The following PABPC1L variants were observed in gnomAD, a reference collection of about 807,000 sequenced individuals.
PABPC1L encodes polyadenylate-binding protein 1-like.
A neutral mutation model predicts 66.6 loss-of-function variants in PABPC1L; 31 were observed. The observed-to-expected ratio is 0.47, with a 90% CI of 0.35 to 0.63. PABPC1L has a LOEUF of 0.63. Among genes scored for constraint, PABPC1L ranks in the 20% least tolerant of loss-of-function variants. The pLI is 0.00. For missense variants in PABPC1L, 722 were observed against 848.8 expected (o/e 0.85, Z 1.86); for synonymous variants, 348 against 335.1 (o/e 1.04, Z -0.42).
intron 7 of PABPC1L, among the ~76,000 whole-genome samples, chr20:44,928,904 AAAG>A (rs1318794739): frequency 6.6e-6 from 1 of 151,064 alleles, no homozygotes; most frequent in African/African-American, 2.4e-5. Flanking sequence ...AAAAGGAAAA[AAAG>A]AAGATTTTAA....
Position 44,912,996 on chromosome 20 carries a change from C to T in PABPC1L, c.387+143C>T, listed in dbSNP as rs375106892. ...GTACAGCAAGCACCTGAATGACAGCCGTTCTTTCAGTTTCATCTTCCGTGA... is the reference window on the plus strand; with the variant it reads ...GTACAGCAAGCACCTGAATGACAGCTGTTCTTTCAGTTTCATCTTCCGTGA... On this transcript the variant is annotated intron_variant, in intron 2 of 14. Coordinates refer to ENST00000217073, the MANE Select transcript of PABPC1L (RefSeq NM_001372179.1). 8.1e-5 allele frequency: 56 copies of T among 695,066 alleles called. No individual in the cohort carries two copies. In the African/African-American group the frequency reaches 9.4e-4, roughly 12 times the overall value. 43.1% of individuals were successfully genotyped at this position (695,066 alleles called of 1,614,324 possible).
At chr20:44,916,516 T>C (rs1260848705) in intron 2 of PABPC1L, among the ~76,000 whole-genome samples, 2 of 152,126 alleles carry the variant, frequency 1.3e-5, no homozygotes. Flanking sequence ...TCAAGTGATA[T>C]GCCCACCTCG....
chr20:44,916,232 C>A (rs1027741002), intron 2 of PABPC1L, among the ~76,000 whole-genome samples: 1 of 152,130 alleles, frequency 6.6e-6, no homozygotes, highest in Non-Finnish European at 1.5e-5. Flanking sequence ...TAGATGAAAC[C>A]TGTGTTCATT....
intron 10 of PABPC1L, 124 bp downstream of exon 10, chr20:44,933,309 T>A: frequency 1.3e-6 from 1 of 770,772 alleles, no homozygotes. Flanking sequence ...TTGGAGACTG[T>A]AGCGTGGTAG....
At chr20:44,914,020 T>G (rs1390430273) in intron 2 of PABPC1L, among the ~76,000 whole-genome samples, 1 of 152,112 alleles carries the variant, frequency 6.6e-6, no homozygotes, top group Non-Finnish European at 1.5e-5. Flanking sequence ...TCTCTGACTT[T>G]TTATATGAGG....
intron 5 of PABPC1L, among the ~76,000 whole-genome samples, chr20:44,919,608 G>A (rs1460981815): frequency 2.6e-5 from 4 of 152,172 alleles, no homozygotes; most frequent in African/African-American, 7.2e-5. Flanking sequence ...CTCAGCCTAC[G>A]TGATAGGCTG....
At chr20:44,922,230 C>T (rs906045351) in intron 6 of PABPC1L, among the ~76,000 whole-genome samples, 1 of 152,026 alleles carries the variant, frequency 6.6e-6, no homozygotes, top group Non-Finnish European at 1.5e-5. Context: ...GAAGTGAACC[C>T]CTCTAAGATT....
At chr20:44,918,416 G>A (rs552492414) in intron 3 of PABPC1L, among the ~76,000 whole-genome samples, 35 of 152,278 alleles carry the variant, frequency 2.3e-4, no homozygotes, top group Non-Finnish European at 4.3e-4. Flanking sequence ...CATTGACTGC[G>A]TCTAATTCAC....
Position 44,938,155 on chromosome 20 carries a change from G to A in PABPC1L, c.1755G>A (p.Leu585=). ...TGGAGATTGACAACTCAGAGCTGTT[G>A]CTCATGCTGGAGTCTCCAGAATCCC... ...MLLEIDNSEL[L]LMLESPESLH... is the part of the protein sequence containing the mutation. Residue 585 remains leucine, a synonymous_variant, in exon 13 of 15, where the codon TTG becomes TTA. Transcript: ENST00000217073. 7 of 1,614,180 alleles carry A rather than the reference G, an allele frequency of 4.3e-6. No homozygotes were observed. Among genetic ancestry groups the A allele is most frequent in the Non-Finnish European group, 5.9e-6 (7 of 1,180,034 alleles).
chr20:44,931,023 C>CTGCCT, intron 8 of PABPC1L, among the ~76,000 whole-genome samples: 1 of 59,636 alleles, frequency 1.7e-5, no homozygotes, highest in South Asian at 7.3e-4. Flanking sequence ...CTTCCCTTCC[C>CTGCCT]TCCCTTCCCT....
intron 12 of PABPC1L, chr20:44,937,121 C>T: frequency 2.5e-6 from 1 of 395,114 alleles, no homozygotes; most frequent in Non-Finnish European, 5.0e-6. Context: ...CTGCTGTTCA[C>T]CAGTTTCCAG....
intron 2 of PABPC1L, among the ~76,000 whole-genome samples, chr20:44,913,218 G>T (rs541429951): frequency 6.6e-6 from 1 of 152,198 alleles, no homozygotes; most frequent in East Asian, 1.9e-4. Context: ...CTCTCGCTGG[G>T]TATATGAGGG....
At chr20:44,931,038 TC>T (rs2066851747) in intron 8 of PABPC1L, among the ~76,000 whole-genome samples, 2 of 26,054 alleles carry the variant, frequency 7.7e-5, no homozygotes, top group South Asian at 2.2e-3. Flanking sequence ...TTCCCTCCCT[TC>T]CCTCCCTTCC....
intron 1 of PABPC1L, 113 bp from the exon 2 acceptor site, chr20:44,912,547 C>G: frequency 1.1e-6 from 1 of 906,456 alleles, no homozygotes; most frequent in Non-Finnish European, 1.6e-6. Context: ...TGTCTGGGAC[C>G]CAGACAATGA....
intron 7 of PABPC1L, among the ~76,000 whole-genome samples, chr20:44,926,345 G>C (rs2066809214): frequency 6.6e-6 from 1 of 151,932 alleles, no homozygotes; most frequent in African/African-American, 2.4e-5. Flanking sequence ...TTCTCCCTCA[G>C]CCTCCTGAGT....
chr20:44,938,536 G>A lies in PABPC1L; in HGVS notation c.1792-138G>A. On this transcript the variant is annotated intron_variant, in intron 13 of 14. Transcript: ENST00000217073. ...GCCATGGGATCTTGCAAGCAGTGGT[G>A]GATGGGAGGGTTCCACAGAAACCCT... 3.1e-6 allele frequency: 3 copies of A among 980,858 alleles called. No individual in the cohort carries two copies. The South Asian group carries it at 4.9e-5, about 16-fold the overall frequency. 60.8% of individuals were successfully genotyped at this position (980,858 alleles called of 1,614,324 possible).
intron 12 of PABPC1L, chr20:44,937,860 T>C (rs2066913312): frequency 4.5e-6 from 3 of 673,786 alleles, no homozygotes; most frequent in Non-Finnish European, 7.1e-6. Flanking sequence ...GACACATTGC[T>C]GAGATGGGCT....
At chr20:44,915,854 T>C (rs1309180424) in intron 2 of PABPC1L, among the ~76,000 whole-genome samples, 1 of 151,912 alleles carries the variant, frequency 6.6e-6, no homozygotes, top group Non-Finnish European at 1.5e-5. Context: ...AATTCATGTA[T>C]TGGCAAAGTT....
intron 7 of PABPC1L, among the ~76,000 whole-genome samples, chr20:44,926,073 A>G (rs770303743): frequency 2.6e-4 from 40 of 152,232 alleles, no homozygotes; most frequent in Non-Finnish European, 4.9e-4. Context: ...GTAATGATTC[A>G]TCATACACCT....
Sources: allele counts gnomAD v4.1 joint callset (sites outside exome capture counted in the v4.1 genomes callset), GRCh38; gene constraint gnomAD v4.1.1; transcripts MANE v1.5; gene names NCBI Gene and HGNC (gene_info 2026-07-23, HGNC 2026-07-21).